Variants in CDKL5 observed in about 807,000 individuals in gnomAD.
The protein encoded by CDKL5 is cyclin dependent kinase like 5, also known as cyclin-dependent kinase-like 5.
Under a neutral mutation model 61.7 loss-of-function variants are expected in CDKL5, and 8 were observed. The ratio of observed to expected loss-of-function variants is 0.13; its 90% CI spans 0.08 to 0.23. The LOEUF is 0.23. Ranked by LOEUF, CDKL5 falls within the 10% of genes least tolerant of loss-of-function variation. CDKL5 has a pLI of 1.00. For missense variants in CDKL5, 440 were observed against 734.5 expected (o/e 0.60, Z 4.63); for synonymous variants, 275 against 272.3 (o/e 1.01, Z -0.10).
chrX:18,512,525 C>T (rs896084000), intron 3 of CDKL5, among the ~76,000 whole-genome samples: 1 of 111,073 alleles, frequency 9.0e-6, no homozygotes, highest in Non-Finnish European at 1.9e-5. Flanking sequence ...TACTTCCATG[C>T]AATGGCTTTT....
At chrX:18,610,512 C>T (rs1926515489) in intron 14 of CDKL5, among the ~76,000 whole-genome samples, 1 of 112,889 alleles carries the variant, frequency 8.9e-6, no homozygotes, top group African/African-American at 3.2e-5. Context: ...ATTCAGTTCT[C>T]TTCGTGTTCT....
rs766568302 is a variant in CDKL5 at position 18,555,878 on chromosome X, G to T, written c.100-8599G>T. ...TCTTTTTCTTTGGTATAGATTTTTT[G>T]TGTGTGTGATTTGGTCTGAAGTATT... On this transcript the variant is annotated intron_variant, in intron 3 of 17. Transcript: ENST00000623535. Among the ~76,000 whole-genome samples, 8 of 112,102 alleles carry T rather than the reference G, an allele frequency of 7.1e-5. No individual in the cohort carries two copies. The East Asian group carries it at 1.7e-3, about 24-fold the overall frequency.
At chrX:18,626,376 A>G (rs1052251992) in intron 17 of CDKL5, among the ~76,000 whole-genome samples, 1 of 110,175 alleles carries the variant, frequency 9.1e-6, no homozygotes, top group Non-Finnish European at 1.9e-5. Context: ...GCCTCTGTTT[A>G]CTCTTTTTAA....
intron 3 of CDKL5, among the ~76,000 whole-genome samples, chrX:18,548,171 G>C (rs1219947605): frequency 9.2e-6 from 1 of 108,521 alleles, no homozygotes; most frequent in African/African-American, 3.4e-5. Flanking sequence ...AATGTGAGCT[G>C]GTATTGATAA....
At chrX:18,484,148 C>T (rs1921695195) in intron 1 of CDKL5, among the ~76,000 whole-genome samples, 1 of 111,976 alleles carries the variant, frequency 8.9e-6, no homozygotes, top group Non-Finnish European at 1.9e-5. Context: ...TTCTGGATTC[C>T]CTGAAAACAA....
intron 21 of CDKL5, among the ~76,000 whole-genome samples, chrX:18,651,202 T>C (rs773744545): frequency 6.5e-4 from 57 of 88,274 alleles, no homozygotes; most frequent in African/African-American, 2.4e-3. Flanking sequence ...TCGGCTGTCC[T>C]TGCCCCAGGC....
chrX:18,524,573 T>C (rs1923363587), intron 3 of CDKL5, among the ~76,000 whole-genome samples: 1 of 112,250 alleles, frequency 8.9e-6, no homozygotes, highest in Admixed American at 9.4e-5. Context: ...ATTCTTACAA[T>C]GGTATGTTTA....
rs987462172 is a variant in CDKL5, at chrX:18,639,877, C to T, written c.*11120C>T. ...GTTATAACGTGGATGAACTTTAAAA[C>T]ACTATGCTAAGTGAAAGAAGCCAGT... is the stretch of plus-strand genomic sequence containing the variant. On this transcript the variant is annotated 3_prime_UTR_variant, in exon 18 of 18. Coordinates refer to ENST00000623535, the MANE Select transcript of CDKL5 (RefSeq NM_001323289.2). 1 of 111,660 alleles carries T rather than the reference C, an allele frequency of 9.0e-6. No individual in the cohort carries two copies. The highest frequency in any genetic ancestry group is 3.3e-5 in the African/African-American group (1 of 30,687). 9.2% of individuals were successfully genotyped at this position (111,660 alleles called of 1,213,427 possible). A position where few individuals can be genotyped will look rare whatever the true frequency, so the allele number is the denominator to read the frequency against.
At chrX:18,646,152 C>A in intron 20 of CDKL5, 1 of 1,148,492 alleles carries the variant, frequency 8.7e-7, no homozygotes, top group Non-Finnish European at 1.2e-6. Flanking sequence ...CTGAATGAAA[C>A]TTTTTTTTTT....
rs147936321 is a variant in CDKL5, at chrX:18,647,436, C to T, written c.2797+1346C>T. The T allele has an allele frequency of 2.5e-4, 218 of 882,084 alleles. 1 individual carries two copies. Among genetic ancestry groups the T allele is most frequent in the African/African-American group, 8.8e-4 (45 of 51,027 alleles). The allele number at this position is 882,084 out of a possible 1,213,427, so 72.7% of individuals were successfully genotyped here. A position where few individuals can be genotyped will look rare whatever the true frequency, so the allele number is the denominator to read the frequency against. On this transcript the variant is annotated intron_variant, in intron 20 of 21. Transcript: ENST00000379989. ...ACCCATCTGCTTTGCGCTTCGGAGA[C>T]GGAGAAGGCTTTACCTGTCTCTGTG... is the stretch of plus-strand genomic sequence containing the variant.
At chrX:18,587,432 C>G (rs1411036293) in intron 8 of CDKL5, among the ~76,000 whole-genome samples, 2 of 111,484 alleles carry the variant, frequency 1.8e-5, no homozygotes, top group Non-Finnish European at 3.8e-5. Context: ...TTAGCACAAT[C>G]TTAGTCATCA....
intron 3 of CDKL5, among the ~76,000 whole-genome samples, chrX:18,521,932 G>A (rs189697658): frequency 1.8e-5 from 2 of 112,307 alleles, no homozygotes; most frequent in African/African-American, 6.5e-5. Context: ...TCACTGGTTC[G>A]ATTACTATAA....
chrX:18,528,070 T>C (rs1923508168), intron 3 of CDKL5, among the ~76,000 whole-genome samples: 1 of 111,245 alleles, frequency 9.0e-6, no homozygotes, highest in Non-Finnish European at 1.9e-5. Flanking sequence ...GTATGATAGC[T>C]ACAAATTTAT....
At chrX:18,454,398 G>A (rs1433760262) in intron 1 of CDKL5, among the ~76,000 whole-genome samples, 1 of 108,465 alleles carries the variant, frequency 9.2e-6, no homozygotes, top group African/African-American at 3.4e-5. Context: ...CACCATGCCT[G>A]GCTAATTTTT....
At chrX:18,511,088 T>G (rs2147095646) in intron 3 of CDKL5, among the ~76,000 whole-genome samples, 1 of 111,859 alleles carries the variant, frequency 8.9e-6, no homozygotes, top group Admixed American at 9.5e-5. Context: ...TCATATATAC[T>G]TAATACATAT....
intron 17 of CDKL5, among the ~76,000 whole-genome samples, chrX:18,626,066 GT>G (rs754432238): frequency 0.012 from 1,059 of 89,003 alleles, 5 homozygotes; most frequent in Middle Eastern, 0.052. Context: ...GCGGACTACT[GT>G]TTTTTTTTTT....
At chrX:18,576,845 A>G (rs1363263137) in intron 5 of CDKL5, among the ~76,000 whole-genome samples, 1 of 104,803 alleles carries the variant, frequency 9.5e-6, no homozygotes, top group Non-Finnish European at 2.0e-5. Flanking sequence ...AAAAAAAAGG[A>G]TTGCTGTATT....
chrX:18,494,089 A>C (rs1922081777), intron 1 of CDKL5, among the ~76,000 whole-genome samples: 1 of 110,982 alleles, frequency 9.0e-6, no homozygotes, highest in Non-Finnish European at 1.9e-5. Flanking sequence ...ACGCTTGGTT[A>C]ATTTTTTGTA....
At chrX:18,553,427 T>G (rs1924468543) in intron 3 of CDKL5, among the ~76,000 whole-genome samples, 1 of 110,507 alleles carries the variant, frequency 9.0e-6, no homozygotes, top group South Asian at 4.0e-4. Flanking sequence ...GTTGGAAATT[T>G]ATCACTGACT....
Sources: allele counts gnomAD v4.1 joint callset (sites outside exome capture counted in the v4.1 genomes callset), GRCh38; gene constraint gnomAD v4.1.1; transcripts MANE v1.5; gene names NCBI Gene and HGNC (gene_info 2026-07-23, HGNC 2026-07-21).